The following EIF4G3 variants were observed in gnomAD, a reference collection of about 807,000 sequenced individuals.
The protein encoded by EIF4G3 is eIF-4-gamma 3.
EIF4G3 carries 34 observed loss-of-function variants against 186.4 expected under a neutral mutation model. The observed-to-expected ratio is 0.18, with a 90% CI of 0.14 to 0.24. The LOEUF (loss-of-function observed/expected upper bound fraction) is 0.24, where lower values mean the gene tolerates loss of function less well. Among genes scored for constraint, EIF4G3 ranks in the 10% least tolerant of loss-of-function variants. EIF4G3 has a pLI of 1.00. For synonymous variants in EIF4G3, 673 were observed against 679.5 expected, an observed-to-expected ratio of 0.99 and a Z score of 0.15; for missense variants, 1,536 against 1,948.5, an observed-to-expected ratio of 0.79 and a Z score of 3.99.
At chr1:20,949,937 T>C (rs1396398181) in intron 13 of EIF4G3, 66 bp downstream of exon 13, 1 of 1,315,964 alleles carries the variant, frequency 7.6e-7, no homozygotes, top group Admixed American at 1.9e-5. Context: ...TCTTGAATGC[T>C]GACGGCAATG....
chr1:20,935,905 A>G (rs2095503122), intron 14 of EIF4G3, among the ~76,000 whole-genome samples: 2 of 152,226 alleles, frequency 1.3e-5, no homozygotes, highest in South Asian at 4.1e-4. Flanking sequence ...GTCCTTTGTC[A>G]TGGAGGAGGA....
chr1:20,911,450 T>A (rs1196951514), intron 14 of EIF4G3, among the ~76,000 whole-genome samples: 1 of 150,508 alleles, frequency 6.6e-6, no homozygotes, highest in African/African-American at 2.4e-5. Flanking sequence ...TCATCCCAGC[T>A]TCTCAGGAGG....
intron 2 of EIF4G3, among the ~76,000 whole-genome samples, chr1:21,153,780 G>C (rs373074123): frequency 3.9e-5 from 6 of 152,004 alleles, no homozygotes; most frequent in African/African-American, 1.2e-4. Flanking sequence ...GGCCAGGCTG[G>C]TCTCGAACTC....
chr1:21,135,039 T>C (rs1458685049), intron 2 of EIF4G3, among the ~76,000 whole-genome samples: 1 of 152,212 alleles, frequency 6.6e-6, no homozygotes, highest in Admixed American at 6.5e-5. Context: ...GTTACTATTA[T>C]AGATTCTAAG....
intron 4 of EIF4G3, among the ~76,000 whole-genome samples, chr1:21,036,818 T>C (rs906403153): frequency 1.3e-5 from 2 of 152,058 alleles, no homozygotes; most frequent in African/African-American, 4.8e-5. Flanking sequence ...GAGGTAGAGG[T>C]TGCAATGAGC....
At chr1:21,138,559 C>G (rs1306494284) in intron 2 of EIF4G3, among the ~76,000 whole-genome samples, 1 of 152,028 alleles carries the variant, frequency 6.6e-6, no homozygotes, top group Non-Finnish European at 1.5e-5. Context: ...TGGCTCACAC[C>G]CATAATCCCA....
intron 4 of EIF4G3, among the ~76,000 whole-genome samples, chr1:21,047,513 C>G (rs1183104437): frequency 6.6e-6 from 1 of 152,126 alleles, no homozygotes; most frequent in Non-Finnish European, 1.5e-5. Flanking sequence ...GTAATTTGGA[C>G]TCATTCATTT....
At chr1:21,024,227 G>GC (rs1343125974) in intron 4 of EIF4G3, among the ~76,000 whole-genome samples, 197 of 149,102 alleles carry the variant, frequency 1.3e-3, no homozygotes, top group East Asian at 3.0e-3. Flanking sequence ...TGGGGGTTCA[G>GC]CCCCCCGCCC....
At chr1:21,109,807 T>C (rs898845139) in intron 2 of EIF4G3, among the ~76,000 whole-genome samples, 9 of 152,022 alleles carry the variant, frequency 5.9e-5, no homozygotes, top group Admixed American at 2.0e-4. Flanking sequence ...ATTTTTGGGA[T>C]AGAATCTCAC....
At chr1:21,053,968 G>A (rs2094438531) in intron 3 of EIF4G3, among the ~76,000 whole-genome samples, 2 of 152,196 alleles carry the variant, frequency 1.3e-5, no homozygotes, top group African/African-American at 2.4e-5. Context: ...TCTGGGAGGT[G>A]TACTCAACAG....
At chr1:20,841,531 G>A (rs578185168) in intron 29 of EIF4G3, among the ~76,000 whole-genome samples, 24 of 152,298 alleles carry the variant, frequency 1.6e-4, no homozygotes, top group African/African-American at 5.1e-4. Context: ...TACTGTGTCT[G>A]TGTAGGTTAA....
chr1:21,138,829 T>G (rs2097292131), intron 2 of EIF4G3, among the ~76,000 whole-genome samples: 1 of 151,736 alleles, frequency 6.6e-6, no homozygotes, highest in African/African-American at 2.4e-5. Flanking sequence ...AGAAAAAAAA[T>G]CACTTCCTCA....
chr1:21,142,391 C>T (rs2097356205), intron 2 of EIF4G3, among the ~76,000 whole-genome samples: 1 of 148,290 alleles, frequency 6.7e-6, no homozygotes, highest in African/African-American at 2.5e-5. Context: ...CCTGCAGTCC[C>T]AGCTACTCAG....
chr1:21,058,733 T>C (rs1220302420), intron 3 of EIF4G3, among the ~76,000 whole-genome samples: 14 of 55,062 alleles, frequency 2.5e-4, no homozygotes, highest in Admixed American at 1.3e-3. Context: ...TTTTTTTTTT[T>C]TTTTTTTTTT....
chr1:21,048,867 C>T (rs756298183), intron 4 of EIF4G3, among the ~76,000 whole-genome samples: 50 of 152,268 alleles, frequency 3.3e-4, no homozygotes, highest in Admixed American at 2.9e-3. Flanking sequence ...AAAAATAAGA[C>T]GTAGGTTTGG....
intron 2 of EIF4G3, among the ~76,000 whole-genome samples, chr1:21,126,703 G>A (rs1416161631): frequency 6.6e-6 from 1 of 151,998 alleles, no homozygotes; most frequent in African/African-American, 2.4e-5. Flanking sequence ...GGAAATAAAG[G>A]CATCAAGTAT....
intron 4 of EIF4G3, 139 bp from the exon 5 acceptor site, chr1:21,002,947 T>A: frequency 2.0e-6 from 1 of 509,224 alleles, no homozygotes; most frequent in Non-Finnish European, 3.5e-6. Flanking sequence ...TTAACTTTAT[T>A]ACAATATCCA....
At chr1:20,840,704 T>C (rs2068293263) in intron 30 of EIF4G3, 152 bp downstream of exon 30, 1 of 676,684 alleles carries the variant, frequency 1.5e-6, no homozygotes, top group Admixed American at 3.1e-5. Flanking sequence ...AACCAACATA[T>C]CAATATATTA....
chr1:21,035,655 T>C (rs1157719880), intron 4 of EIF4G3, among the ~76,000 whole-genome samples: 1 of 151,968 alleles, frequency 6.6e-6, no homozygotes, highest in Non-Finnish European at 1.5e-5. Flanking sequence ...CACAGGAGAG[T>C]GGCCAAGATA....
Sources: allele counts gnomAD v4.1 joint callset (sites outside exome capture counted in the v4.1 genomes callset), GRCh38; gene constraint gnomAD v4.1.1; transcripts MANE v1.5; gene names NCBI Gene and HGNC (gene_info 2026-07-23, HGNC 2026-07-21).